Variants in C14orf39 observed in about 807,000 individuals in gnomAD.
C14orf39 encodes the protein protein SIX6OS1.
Under a neutral mutation model 85.6 loss-of-function variants are expected in C14orf39, and 66 were observed. The observed-to-expected ratio is 0.77, with a 90% CI of 0.63 to 0.95. The LOEUF is 0.95. Ranked by LOEUF, C14orf39 falls within the 40% of genes least tolerant of loss-of-function variation. The pLI is 0.00. For missense variants in C14orf39, 735 were observed against 663.9 expected (o/e 1.11, Z -1.18); for synonymous variants, 242 against 214.0 (o/e 1.13, Z -1.14).
Position 60,484,754 on chromosome 14 carries a change from G to T in C14orf39, c.106+127C>A, listed in dbSNP as rs1892801712. 3 of 642,002 alleles carry T rather than the reference G, an allele frequency of 4.7e-6. No individual in the cohort carries two copies. Among genetic ancestry groups the T allele is most frequent in the Admixed American group, 6.9e-5 (2 of 28,882 alleles). The allele number at this position is 642,002 out of a possible 1,614,324, so 39.8% of individuals were successfully genotyped here. A position where few individuals can be genotyped will look rare whatever the true frequency, so the allele number is the denominator to read the frequency against. On this transcript the variant is annotated intron_variant, in intron 3 of 17. Coordinates refer to ENST00000321731, the MANE Select transcript of C14orf39 (RefSeq NM_174978.3). This position sits in a 1 kb window ranked among gnomAD's most constrained non-coding sequence, Gnocchi z 4.2. ...TTCGTCTAGGGTAAATAGTTTATTT[G>T]TCGCTAGAGAGAACTGACACAAAAG...
At chr14:60,445,118 C>T (rs1422537583) in intron 16 of C14orf39, among the ~76,000 whole-genome samples, 1 of 152,048 alleles carries the variant, frequency 6.6e-6, no homozygotes, top group African/African-American at 2.4e-5. Flanking sequence ...AAAAACATGC[C>T]AAATTGTAAA....
In C14orf39 at chr14:60,461,580, G is replaced by C. The variant is rs1891535222; in HGVS notation, c.986C>G (p.Ser329Cys). The change falls in exon 12 of 18, where the codon TCT becomes TGT. Residue 329 changes from serine to cysteine, a missense_variant. Transcript: ENST00000321731. ...KENDTQIFND[S>C]AVDNHSKCSH... is the part of the protein sequence containing the mutation. Reference sequence around the variant, plus strand: ...ACATTTTGAATGGTTATCCACAGCAGAGTCATTAAATATCTGAAAGAAAGA... The same window carrying C: ...ACATTTTGAATGGTTATCCACAGCACAGTCATTAAATATCTGAAAGAAAGA... 6.4e-7 allele frequency: 1 copy of C among 1,557,748 alleles called. No individual in the cohort carries two copies. The highest frequency in any genetic ancestry group is 1.4e-5 in the African/African-American group (1 of 72,280).
At chr14:60,479,902 T>C (rs548461585) in intron 4 of C14orf39, among the ~76,000 whole-genome samples, 59 of 152,276 alleles carry the variant, frequency 3.9e-4, no homozygotes, top group African/African-American at 1.4e-3. Context: ...GCTCCCAATA[T>C]TTCCTATCAT....
At chr14:60,508,939 C>CAG in intron 1 of C14orf39, 1 of 184,574 alleles carries the variant, frequency 5.4e-6, no homozygotes, top group Non-Finnish European at 1.1e-5. Context: ...ACTCGCCTCT[C>CAG]TTTTTCTCCC....
intron 15 of C14orf39, 145 bp downstream of exon 15, chr14:60,456,772 A>G: frequency 1.6e-6 from 1 of 618,576 alleles, no homozygotes; most frequent in Non-Finnish European, 2.6e-6. Context: ...GAGGTGTGTT[A>G]TATTAGTCTT....
chr14:60,501,446 C>A (rs574435298), intron 1 of C14orf39, among the ~76,000 whole-genome samples: 3 of 151,788 alleles, frequency 2.0e-5, no homozygotes, highest in African/African-American at 7.2e-5. Context: ...AGCCACAAAA[C>A]AAGAAATGCC....
chr14:60,482,519 T>C (rs994729606), intron 4 of C14orf39, among the ~76,000 whole-genome samples: 1 of 152,196 alleles, frequency 6.6e-6, no homozygotes, highest in Non-Finnish European at 1.5e-5. Flanking sequence ...ACATTGTTGG[T>C]GGGAGCACAA....
Position 60,492,272 on chromosome 14 carries a change from T to C in C14orf39, c.-9+7024A>G, listed in dbSNP as rs575235783. On this transcript the variant is annotated intron_variant, in intron 2 of 5. Transcript: ENST00000556799. ...TAAAGTTATGGCCTTTTTCTCTCCT[T>C]CCTTGTTAAACCATTAGAGCATTGT... 1.1e-4 allele frequency among the ~76,000 whole-genome samples: 17 copies of C among 152,342 alleles called. No homozygotes were observed. The East Asian group carries it at 2.5e-3, about 22-fold the overall frequency.
intron 5 of C14orf39, 107 bp from the exon 6 acceptor site, chr14:60,471,846 C>T (rs1029277550): frequency 1.6e-5 from 10 of 622,554 alleles, no homozygotes; most frequent in Non-Finnish European, 2.7e-5. Context: ...CAAATGTCTT[C>T]TTATTCTTGC....
At chr14:60,485,119 T>G in intron 1 of C14orf39, 33 bp from the exon 2 acceptor site, 1 of 1,553,578 alleles carries the variant, frequency 6.4e-7, no homozygotes, top group Non-Finnish European at 8.7e-7. Context: ...TTATAAGATT[T>G]TCTGAAGTCG....
At chr14:60,478,719 T>C (rs1892507423) in intron 4 of C14orf39, among the ~76,000 whole-genome samples, 1 of 152,202 alleles carries the variant, frequency 6.6e-6, no homozygotes, top group Admixed American at 6.5e-5. Flanking sequence ...TATCAGCCTT[T>C]CTTTCTCATT....
rs766787972 is a variant in C14orf39 at position 60,466,897 on chromosome 14, A to G, written c.895+20T>C. The G allele has an allele frequency of 1.4e-6, 2 of 1,454,368 alleles. No homozygotes were observed. Among genetic ancestry groups the G allele is most frequent in the Non-Finnish European group, 1.8e-6 (2 of 1,103,410 alleles). The allele number at this position is 1,454,368 out of a possible 1,614,324, so 90.1% of individuals were successfully genotyped here. A position where few individuals can be genotyped will look rare whatever the true frequency, so the allele number is the denominator to read the frequency against. ...TTTGCAAAAAAAATGATGTTTTTGA[A>G]TAACAAACAGATATTATACCTGCAA... On this transcript the variant is annotated intron_variant, in intron 10 of 17. Coordinates refer to ENST00000321731, the MANE Select transcript of C14orf39 (RefSeq NM_174978.3).
At chr14:60,487,076 T>C (rs1207433648), upstream of C14orf39, among the ~76,000 whole-genome samples, 1 of 152,244 alleles carries the variant, frequency 6.6e-6, no homozygotes, top group Non-Finnish European at 1.5e-5. Flanking sequence ...CAAGTTAATT[T>C]GTATAACACA....
At chr14:60,511,348 C>T (rs912462443) in intron 1 of C14orf39, 4 of 1,430,320 alleles carry the variant, frequency 2.8e-6, no homozygotes, top group Non-Finnish European at 3.9e-6. Flanking sequence ...GCAAATCCAG[C>T]GCCACAGAAG....
At chr14:60,448,548 TA>T (rs1890888067) in intron 16 of C14orf39, among the ~76,000 whole-genome samples, 1 of 152,110 alleles carries the variant, frequency 6.6e-6, no homozygotes, top group African/African-American at 2.4e-5. Flanking sequence ...CTGGAGAGGA[TA>T]TGGAGAAATA....
At position 60,436,738 on chromosome 14, in the gene C14orf39, T is replaced by C; in HGVS notation, c.*107A>G. 1 of 717,462 alleles carries C rather than the reference T, an allele frequency of 1.4e-6. No homozygotes were observed. Among genetic ancestry groups the C allele is most frequent in the Non-Finnish European group, 2.3e-6 (1 of 430,906 alleles). 44.4% of individuals were successfully genotyped at this position (717,462 alleles called of 1,614,324 possible). ...TATAATCAAATAATGTAAACATTACTGCTTTAATCAATAAAAGAAAGCAGT... is the reference window on the plus strand; with the variant it reads ...TATAATCAAATAATGTAAACATTACCGCTTTAATCAATAAAAGAAAGCAGT... On this transcript the variant is annotated 3_prime_UTR_variant, in exon 18 of 18. Transcript: ENST00000321731.
intron 16 of C14orf39, among the ~76,000 whole-genome samples, chr14:60,445,869 A>G (rs1890740898): frequency 6.6e-6 from 1 of 152,228 alleles, no homozygotes; most frequent in African/African-American, 2.4e-5. Context: ...TGTCTCTCAG[A>G]CCACAGTGCA....
chr14:60,487,758 T>G (rs894342688), upstream of C14orf39, among the ~76,000 whole-genome samples: 4 of 152,182 alleles, frequency 2.6e-5, no homozygotes, highest in African/African-American at 9.7e-5. Flanking sequence ...GTGTACAACT[T>G]TTCCTTTTTT....
At chr14:60,511,164 T>TCGCG (rs764761660) in intron 1 of C14orf39, 1 of 1,611,534 alleles carries the variant, frequency 6.2e-7, no homozygotes, top group Non-Finnish European at 8.5e-7. Flanking sequence ...GTGCTGGGCG[T>TCGCG]CGCCACCAGC....
Sources: allele counts gnomAD v4.1 joint callset (sites outside exome capture counted in the v4.1 genomes callset), GRCh38; gene constraint gnomAD v4.1.1; non-coding constraint Gnocchi (gnomAD v3.1); transcripts MANE v1.5; gene names NCBI Gene and HGNC (gene_info 2026-07-23, HGNC 2026-07-21).